The following ATIC variants were observed in gnomAD, a reference collection of about 807,000 sequenced individuals.
ATIC encodes 5-aminoimidazole-4-carboxamide ribonucleotide formyltransferase/IMP cyclohydrolase.
Under a neutral mutation model 72.5 loss-of-function variants are expected in ATIC, and 64 were observed. That is an observed-to-expected ratio of 0.88 (90% CI 0.72 to 1.09). The LOEUF is 1.09. Ranked by LOEUF, ATIC falls within the 50% of genes least tolerant of loss-of-function variation. The pLI is 0.00. For missense variants in ATIC, 787 were observed against 732.4 expected (o/e 1.07, Z -0.86); for synonymous variants, 281 against 267.1 (o/e 1.05, Z -0.51).
At chr2:215,312,658 T>C (rs768248935) in intron 2 of ATIC, 34 bp downstream of exon 2, 79 of 1,613,878 alleles carry the variant, frequency 4.9e-5, no homozygotes, top group Non-Finnish European at 6.2e-5. Context: ...GAAAGGAGTG[T>C]GATCACATTA....
At chr2:215,349,023 TG>T in intron 14 of ATIC, 70 bp from the exon 15 acceptor site, 1 of 1,506,500 alleles carries the variant, frequency 6.6e-7, no homozygotes, top group Non-Finnish European at 9.1e-7. Context: ...CTTTCTGGCA[TG>T]GTGATTTGCA....
At chr2:215,367,260 T>C in the ATIC span, among the ~76,000 whole-genome samples, 1 of 152,206 alleles carries the variant, frequency 6.6e-6, no homozygotes, top group Non-Finnish European at 1.5e-5. Context: ...CTTAAAAAAT[T>C]TGAAAATTAA....
chr2:215,367,964 T>C, the ATIC span: 1 of 1,614,122 alleles, frequency 6.2e-7, no homozygotes, highest in East Asian at 2.2e-5. Flanking sequence ...TCCAACGGCA[T>C]AATGGGAAAC....
chr2:215,321,376 C>A (rs963958834), intron 4 of ATIC, among the ~76,000 whole-genome samples: 2 of 151,834 alleles, frequency 1.3e-5, no homozygotes, highest in East Asian at 3.9e-4. Flanking sequence ...TTTATCAGTT[C>A]ATTTGTTGAT....
chr2:215,334,926 T>G lies in ATIC; in HGVS notation c.930T>G (p.Asp310Glu). 6.2e-7 allele frequency: 1 copy of G among 1,613,178 alleles called. No individual in the cohort carries two copies. Among genetic ancestry groups the G allele is most frequent in the Non-Finnish European group, 8.5e-7 (1 of 1,179,354 alleles). ...SAAYARARGA[D>E]RMSSFGDFVA... is the part of the protein sequence containing the mutation. ...TTTTAATTTTATTTACAGGGGCTGA[T>G]AGGATGTCTTCATTTGGTGATTTTG... The change falls in exon 10 of 16, where the codon GAT becomes GAG. Residue 310 changes from aspartate (D) to glutamate (E), a missense_variant. Asp to Glu is a conservative substitution (Grantham distance 45). Coordinates refer to ENST00000236959, the MANE Select transcript of ATIC (RefSeq NM_004044.7).
intron 1 of ATIC, 40 bp from the exon 2 acceptor site, chr2:215,312,458 A>G (rs759030912): frequency 1.4e-5 from 22 of 1,614,040 alleles, no homozygotes; most frequent in South Asian, 3.3e-5. Flanking sequence ...ACACAGTGCA[A>G]TGTGCTGCGA....
At chr2:215,363,635 G>T in the ATIC span, 1 of 152,192 alleles carries the variant, frequency 6.6e-6, no homozygotes, top group Non-Finnish European at 1.5e-5. Flanking sequence ...ATTGGTTAAT[G>T]CATTTGGCAT....
intron 12 of ATIC, among the ~76,000 whole-genome samples, chr2:215,340,582 A>T (rs554367691): frequency 1.4e-4 from 21 of 152,270 alleles, no homozygotes; most frequent in Non-Finnish European, 2.8e-4. Context: ...TTCTCTCCAG[A>T]GTTGACTTGT....
downstream of ATIC, among the ~76,000 whole-genome samples, chr2:215,352,772 T>C (rs1559283112): frequency 6.6e-6 from 1 of 151,864 alleles, no homozygotes; most frequent in East Asian, 1.9e-4. Context: ...GCCTGGTACA[T>C]CATTGCATTT....
intron 2 of ATIC, among the ~76,000 whole-genome samples, chr2:215,317,334 A>T (rs1023825755): frequency 6.6e-6 from 1 of 152,174 alleles, no homozygotes; most frequent in South Asian, 2.1e-4. Context: ...TCACATATTT[A>T]ATTTTGCTAC....
At chr2:215,323,602 T>C (rs577100427) in intron 4 of ATIC, among the ~76,000 whole-genome samples, 6 of 152,344 alleles carry the variant, frequency 3.9e-5, no homozygotes, top group African/African-American at 1.2e-4. Context: ...TAAAAGGTTA[T>C]TTTTGTGAAT....
chr2:215,362,063 T>C, the ATIC span: 41 of 1,613,900 alleles, frequency 2.5e-5, no homozygotes, highest in African/African-American at 5.3e-4. Context: ...TCTGCGGCAG[T>C]TGTCACAGCG....
At chr2:215,351,636 A>C (rs12477166), downstream of ATIC, among the ~76,000 whole-genome samples, 2 of 151,910 alleles carry the variant, frequency 1.3e-5, no homozygotes, top group African/African-American at 2.4e-5. Context: ...TGTTTGTAGT[A>C]TTCTTCACAT....
chr2:215,359,725 G>T, the ATIC span, among the ~76,000 whole-genome samples: 1 of 142,338 alleles, frequency 7.0e-6, no homozygotes, highest in African/African-American at 2.5e-5. Flanking sequence ...CAATTCAAAT[G>T]GGAGTTAGTA....
Position 215,326,986 on chromosome 2 carries a change from C to A in ATIC, c.688+8C>A, listed in dbSNP as rs1281737552. The A allele has an allele frequency of 6.2e-7, 1 of 1,614,116 alleles. No homozygotes were observed. The highest frequency in any genetic ancestry group is 8.5e-7 in the Non-Finnish European group (1 of 1,180,028). ...CCAAGCTTCCCATCACAGGTAAAGC[C>A]CGAGCGTTCTGTGGCATGGTTTGCT... On this transcript the variant is annotated splice_region_variant and intron_variant, in intron 7 of 15. Coordinates refer to ENST00000236959, the MANE Select transcript of ATIC (RefSeq NM_004044.7).
intron 11 of ATIC, among the ~76,000 whole-genome samples, chr2:215,336,788 G>A (rs2052959372): frequency 6.6e-6 from 1 of 152,112 alleles, no homozygotes; most frequent in Non-Finnish European, 1.5e-5. Flanking sequence ...GTGAAATTAA[G>A]GCTTAATAAC....
chr2:215,321,528 T>A (rs2052766847), intron 4 of ATIC, among the ~76,000 whole-genome samples: 1 of 152,240 alleles, frequency 6.6e-6, no homozygotes, highest in African/African-American at 2.4e-5. Context: ...ATATGGTAAC[T>A]ATGTTTAGCT....
intron 12 of ATIC, among the ~76,000 whole-genome samples, chr2:215,344,172 T>C (rs2106038649): frequency 6.6e-6 from 1 of 152,338 alleles, no homozygotes; most frequent in Non-Finnish European, 1.5e-5. Flanking sequence ...AGTTTTGGAA[T>C]GGATATGGTA....
downstream of ATIC, among the ~76,000 whole-genome samples, chr2:215,354,051 G>A (rs1189639051): frequency 2.6e-5 from 4 of 151,746 alleles, no homozygotes; most frequent in East Asian, 1.9e-4. Context: ...AGACAGAGTC[G>A]TTCCCTGTTG....
Sources: allele counts gnomAD v4.1 joint callset (sites outside exome capture counted in the v4.1 genomes callset), GRCh38; gene constraint gnomAD v4.1.1; transcripts MANE v1.5; gene names NCBI Gene and HGNC (gene_info 2026-07-23, HGNC 2026-07-21).